Variants in SYN1 observed in about 807,000 individuals in gnomAD.
SYN1 encodes the protein synapsin I.
In SYN1, 8 loss-of-function variants were observed where a neutral mutation model predicts 44.6. The ratio of observed to expected loss-of-function variants is 0.18; its 90% CI spans 0.11 to 0.32. The LOEUF is 0.32. Ranked by LOEUF, SYN1 falls within the 10% of genes least tolerant of loss-of-function variation. SYN1 has a pLI of 1.00. For synonymous variants in SYN1, 275 were observed against 280.1 expected (o/e 0.98, Z 0.18); for missense variants, 451 against 639.4 (o/e 0.71, Z 3.18).
chrX:47,606,861 TG>T, intron 3 of SYN1, 83 bp downstream of exon 3: 1 of 940,986 alleles, frequency 1.1e-6, no homozygotes, highest in Non-Finnish European at 1.5e-6. Flanking sequence ...GAAGGATGGG[TG>T]GGGAGGTAGG....
Position 47,575,248 on chromosome X carries a change from A to G in SYN1, c.1185T>C (p.Ile395=). 1 of 1,209,975 alleles carries G rather than the reference A, an allele frequency of 8.3e-7. No individual in the cohort carries two copies. Among genetic ancestry groups the G allele is most frequent in the Admixed American group, 2.2e-5 (1 of 45,909 alleles). Residue 395 remains isoleucine (I), a synonymous_variant, in exon 10 of 13, where the codon ATT becomes ATC. Transcript: ENST00000295987. ...GTTTGTCTTCATCCTGGTGGTCACC[A>G]ATGAGCGGCATGGAGGAACCCACCA... ...IEVVGSSMPL[I]GDHQDEDKQL...
rs775109362 is a variant in SYN1, at chrX:47,606,966, C to T, written c.506G>A (p.Arg169Gln). The T allele has an allele frequency of 1.5e-5, 18 of 1,207,753 alleles. No homozygotes were observed. Among genetic ancestry groups the T allele is most frequent in the Admixed American group, 1.1e-4 (5 of 45,440 alleles). ...GGFSVDMEVL[R>Q]NGVKVVRSLK... Reference sequence around the variant, plus strand: ...TCACCGCACGACCTTCACCCCATTCCGAAGAACTTCCATATCCACAGAGAA... The same window carrying T: ...TCACCGCACGACCTTCACCCCATTCTGAAGAACTTCCATATCCACAGAGAA... Residue 169 changes from arginine (R) to glutamine (Q), a missense_variant, in exon 3 of 13, where the codon CGG becomes CAG. Arg to Gln is a conservative substitution (Grantham distance 43). This residue lies in a region of SYN1 where 315 missense variants were observed against 451.4 expected (regional missense o/e 0.70). Coordinates refer to ENST00000295987, the MANE Select transcript of SYN1 (RefSeq NM_006950.3).
chrX:47,595,142 G>A (rs1047122109), intron 5 of SYN1, among the ~76,000 whole-genome samples: 2 of 111,996 alleles, frequency 1.8e-5, no homozygotes, highest in African/African-American at 6.5e-5. Context: ...GGGGTTCCTG[G>A]AGGGTGGCTA....
chrX:47,605,129 C>T (rs1171721786), intron 4 of SYN1, 62 bp from the exon 5 acceptor site: 1 of 1,197,666 alleles, frequency 8.3e-7, no homozygotes, highest in Non-Finnish European at 1.1e-6. Context: ...AGTTTCTGAA[C>T]ACCCTCACTT....
chrX:47,583,338 G>A, intron 5 of SYN1: 1 of 1,068,777 alleles, frequency 9.4e-7, no homozygotes, highest in Non-Finnish European at 1.2e-6. Context: ...GGGCAAGATG[G>A]GGTGGATGAC....
In SYN1 at chrX:47,615,841, G is replaced by A. The variant is rs750341880; in HGVS notation, c.377+3511C>T. On this transcript the variant is annotated intron_variant, in intron 1 of 12. Transcript: ENST00000295987. ...CAGGAGACGGAGGTTGCAGTGAGCCGAGATCGTGCCATTGCACTCCAGCCT... is the reference window on the plus strand; with the variant it reads ...CAGGAGACGGAGGTTGCAGTGAGCCAAGATCGTGCCATTGCACTCCAGCCT... Among the ~76,000 whole-genome samples the A allele has an allele frequency of 2.1e-3, 230 of 110,164 alleles. 1 individual carries two copies. The highest frequency in any genetic ancestry group is 5.8e-3 in the African/African-American group (174 of 30,260).
chrX:47,609,268 G>A (rs1481244834), intron 1 of SYN1, among the ~76,000 whole-genome samples: 1 of 111,976 alleles, frequency 8.9e-6, no homozygotes, highest in Non-Finnish European at 1.9e-5. Context: ...GTCCCCACTG[G>A]GAATTGTCTT....
intron 9 of SYN1, 37 bp from the exon 10 acceptor site, chrX:47,575,311 G>C: frequency 2.5e-6 from 3 of 1,201,071 alleles, no homozygotes; most frequent in Middle Eastern, 2.4e-4. Flanking sequence ...GGAGAGGCAG[G>C]CCTCGCACCT....
chrX:47,572,870 G>A lies in SYN1; in HGVS notation c.2112C>T (p.Ser704=), dbSNP rs1227806166. ...GGGTTCTCAGAGTGGGGTATCAGTC[G>A]GAGAAGAGGCTGGCGAAAGACTTCC... ...SLRKSFASLF[S]D The change falls in exon 13 of 13, where the codon TCC becomes TCT. Residue 704 remains serine (S), a synonymous_variant. Coordinates refer to ENST00000295987, the MANE Select transcript of SYN1 (RefSeq NM_006950.3). The A allele has an allele frequency of 8.3e-7, 1 of 1,211,601 alleles. No individual in the cohort carries two copies. The highest frequency in any genetic ancestry group is 1.8e-5 in the South Asian group (1 of 56,991).
chrX:47,580,130 G>C (rs1477297490), intron 5 of SYN1, among the ~76,000 whole-genome samples: 2 of 108,276 alleles, frequency 1.8e-5, no homozygotes, highest in African/African-American at 6.7e-5. Context: ...TGAACAAAGA[G>C]GCAATCGGGA....
At chrX:47,612,363 C>A (rs768255797) in intron 1 of SYN1, among the ~76,000 whole-genome samples, 1 of 110,374 alleles carries the variant, frequency 9.1e-6, no homozygotes, top group South Asian at 3.9e-4. Flanking sequence ...ATAATAAAGT[C>A]AGGTGGGCCC....
rs750999718 is a variant in SYN1 at position 47,582,629 on chromosome X, G to A, written c.775-5128C>T. ...GGGCTAGTCTAGGGGGAAGAGGGTCGGAGGCTGGAACTGCTTTCCCAACCC... is the reference window on the plus strand; with the variant it reads ...GGGCTAGTCTAGGGGGAAGAGGGTCAGAGGCTGGAACTGCTTTCCCAACCC... On this transcript the variant is annotated intron_variant, in intron 5 of 12. Transcript: ENST00000295987. 3 of 347,860 alleles carry A rather than the reference G, an allele frequency of 8.6e-6. No individual in the cohort carries two copies. The East Asian group carries it at 2.6e-4, about 30-fold the overall frequency. 28.7% of individuals were successfully genotyped at this position (347,860 alleles called of 1,213,427 possible). A position where few individuals can be genotyped will look rare whatever the true frequency, so the allele number is the denominator to read the frequency against.
intron 5 of SYN1, among the ~76,000 whole-genome samples, chrX:47,589,294 CAA>C (rs147024653): frequency 2.0e-4 from 12 of 59,927 alleles, no homozygotes; most frequent in Admixed American, 4.4e-4. Flanking sequence ...AAGACTGTCT[CAA>C]AAAAAAAAAA....
At chrX:47,615,412 A>G (rs2147931893) in intron 1 of SYN1, among the ~76,000 whole-genome samples, 1 of 112,372 alleles carries the variant, frequency 8.9e-6, no homozygotes. Flanking sequence ...GCCATTGTAT[A>G]ACACATGTAT....
Position 47,619,755 on chromosome X carries a change from A to C in SYN1, c.-27T>G, listed in dbSNP as rs1021228916. 1.7e-6 allele frequency: 2 copies of C among 1,152,027 alleles called. No individual in the cohort carries two copies. The highest frequency in any genetic ancestry group is 3.6e-5 in the African/African-American group (2 of 55,041). 94.9% of individuals were successfully genotyped at this position (1,152,027 alleles called of 1,213,427 possible). A position where few individuals can be genotyped will look rare whatever the true frequency, so the allele number is the denominator to read the frequency against. On this transcript the variant is annotated 5_prime_UTR_variant, in exon 1 of 13. Coordinates refer to ENST00000295987, the MANE Select transcript of SYN1 (RefSeq NM_006950.3). ...GCTGCGACTTGGGGCAGGGGGTCCT[A>C]GGGGTGGTCTGGCCAGGAGCCGCGG...
rs112607004 is a variant in SYN1, at chrX:47,598,841, A to C, written c.774+6137T>G. ...GACTTTGTCTCAAAATAAATAAATA[A>C]ATAAATAAATAAAAAATAAAAAACT... On this transcript the variant is annotated intron_variant, in intron 5 of 12. Coordinates refer to ENST00000295987, the MANE Select transcript of SYN1 (RefSeq NM_006950.3). Among the ~76,000 whole-genome samples the C allele has an allele frequency of 7.7e-3, 843 of 108,991 alleles. 6 individuals are homozygous for C. The highest frequency in any genetic ancestry group is 0.027 in the African/African-American group (806 of 29,985). The allele number at this position is 108,991 out of a possible 115,157, so 94.6% of individuals were successfully genotyped here.
rs780753887 is a variant in SYN1 at position 47,619,480 on chromosome X, C to A, written c.249G>T (p.Ala83=). The stretch of plus-strand genomic sequence containing the variant: ...CTGCCGCCGCCGTGGTCTGCTTGAC[C>A]GCGTTGGACAGCGACGAGAAGAAGC... The part of the protein sequence containing the change: ...GGGFFSSLSN[A]VKQTTAAAAA... The change falls in exon 1 of 13, where the codon GCG becomes GCT. Residue 83 remains alanine, a synonymous_variant. Coordinates refer to ENST00000295987, the MANE Select transcript of SYN1 (RefSeq NM_006950.3). 8.5e-5 allele frequency: 102 copies of A among 1,195,857 alleles called. No individual in the cohort carries two copies. Among genetic ancestry groups the A allele is most frequent in the Non-Finnish European group, 9.3e-5 (83 of 892,613 alleles).
chrX:47,590,154 C>G (rs1223426824), intron 5 of SYN1: 1 of 111,404 alleles, frequency 9.0e-6, no homozygotes, highest in Non-Finnish European at 1.9e-5. Context: ...TCTTTTCCCC[C>G]TCACAGACAA....
At chrX:47,599,968 C>T (rs1046470278) in intron 5 of SYN1, among the ~76,000 whole-genome samples, 2 of 112,178 alleles carry the variant, frequency 1.8e-5, no homozygotes, top group African/African-American at 6.5e-5. Context: ...GAATTTAAAA[C>T]AGCAATTGTT....
Sources: allele counts gnomAD v4.1 joint callset (sites outside exome capture counted in the v4.1 genomes callset), GRCh38; gene constraint gnomAD v4.1.1; regional missense constraint gnomAD v4.1.1; transcripts MANE v1.5; gene names NCBI Gene and HGNC (gene_info 2026-07-23, HGNC 2026-07-21).